Variants in MSN observed in about 807,000 individuals in gnomAD.
MSN encodes the protein epididymis luminal protein 70.
In MSN, 2 loss-of-function variants were observed where a neutral mutation model predicts 48.0. The observed-to-expected ratio is 0.04, with a 90% CI of 0.02 to 0.13. The LOEUF (loss-of-function observed/expected upper bound fraction) is 0.13. Among genes scored for constraint, MSN ranks in the 10% least tolerant of loss-of-function variants. MSN has a pLI of 1.00. For missense variants in MSN, 267 were observed against 470.1 expected (o/e 0.57, Z 3.99); for synonymous variants, 146 against 166.9 (o/e 0.87, Z 0.97).
At chrX:65,689,138 G>A (rs1248547838) in intron 1 of MSN, among the ~76,000 whole-genome samples, 1 of 111,677 alleles carries the variant, frequency 9.0e-6, no homozygotes, top group Non-Finnish European at 1.9e-5. Context: ...TCTTGACCAA[G>A]TCCTTGCTCG....
intron 1 of MSN, among the ~76,000 whole-genome samples, chrX:65,713,407 G>A (rs1009625589): frequency 4.5e-5 from 5 of 111,183 alleles, no homozygotes; most frequent in Admixed American, 2.9e-4. Context: ...CATAAATATA[G>A]GAAGCATTAG....
chrX:65,673,159 A>G (rs1001590962), intron 1 of MSN, among the ~76,000 whole-genome samples: 2 of 111,748 alleles, frequency 1.8e-5, no homozygotes, highest in African/African-American at 6.5e-5. Context: ...GTGAGAGTAT[A>G]TTATGAAGAC....
chrX:65,734,426 A>G lies in MSN; in HGVS notation c.796-841A>G, dbSNP rs781592481. 5.4e-5 allele frequency among the ~76,000 whole-genome samples: 6 copies of G among 111,694 alleles called. No homozygotes were observed. In the South Asian group the frequency reaches 2.2e-3, roughly 42 times the overall value. On this transcript the variant is annotated intron_variant, in intron 7 of 12. Transcript: ENST00000360270. Reference sequence around the variant, plus strand: ...TTTTATGGCTGACAAAACTGAGGTTAGAGAGATGGAGTGATTTGCCCAAGA... The same window carrying G: ...TTTTATGGCTGACAAAACTGAGGTTGGAGAGATGGAGTGATTTGCCCAAGA...
At chrX:65,717,432 A>C (rs2071476809) in intron 2 of MSN, among the ~76,000 whole-genome samples, 1 of 111,931 alleles carries the variant, frequency 8.9e-6, no homozygotes, top group Non-Finnish European at 1.9e-5. Context: ...GACTTAGGAC[A>C]ACATGGGAGT....
chrX:65,727,752 T>A, intron 2 of MSN, 62 bp from the exon 3 acceptor site: 1 of 980,560 alleles, frequency 1.0e-6, no homozygotes, highest in Non-Finnish European at 1.4e-6. Context: ...CTTTGTGTCC[T>A]CTGTGCCTCA....
intron 1 of MSN, among the ~76,000 whole-genome samples, chrX:65,669,885 A>G (rs1182865972): frequency 9.0e-6 from 1 of 111,229 alleles, no homozygotes; most frequent in Non-Finnish European, 1.9e-5. Context: ...CTACAGGGAA[A>G]GACCTACCTA....
intron 1 of MSN, among the ~76,000 whole-genome samples, chrX:65,670,927 T>TAC (rs2070932146): frequency 3.4e-5 from 2 of 59,192 alleles, no homozygotes; most frequent in Non-Finnish European, 6.5e-5. Flanking sequence ...TATATATATA[T>TAC]ATATATATAT....
In MSN at chrX:65,735,482, T is replaced by C. The variant is rs756630897; in HGVS notation, c.959+52T>C. The C allele has an allele frequency of 4.4e-6, 5 of 1,147,698 alleles. No homozygotes were observed. The East Asian group carries it at 1.3e-4, about 29-fold the overall frequency. The allele number at this position is 1,147,698 out of a possible 1,213,427, so 94.6% of individuals were successfully genotyped here. ...GCCAGGGCTGGGGCAAGGAAGCTTC[T>C]CAAAGGTGCCCTGCATGCTAAGTCA... is the stretch of plus-strand genomic sequence containing the variant. On this transcript the variant is annotated intron_variant, in intron 8 of 12. Transcript: ENST00000360270.
At chrX:65,645,046 G>C (rs1264624796) in intron 1 of MSN, among the ~76,000 whole-genome samples, 3 of 112,281 alleles carry the variant, frequency 2.7e-5, no homozygotes, top group African/African-American at 9.7e-5. Flanking sequence ...AAGTACTGGA[G>C]CTGATGCCAA....
At chrX:65,670,896 TTATATATATATATATATATATATA>T (rs57076717) in intron 1 of MSN, among the ~76,000 whole-genome samples, 210 of 14,057 alleles carry the variant, frequency 0.015, 5 homozygotes, top group South Asian at 0.048. Context: ...ATGATGACAG[TTATATATATATATATATATATATA>T]TATATATATA....
At position 65,637,405 on chromosome X, in the gene MSN, G is replaced by GA. The variant is rs1206835966; in HGVS notation, c.-22+48808dup. On this transcript the variant is annotated intron_variant, in intron 1 of 3. Coordinates refer to the MSN transcript ENST00000609672. ...CAACGAGAGCAAAACTCCATCTTAA[G>GA]AAAAAAAAAAAAAAAGAAAAGAAAG... Among the ~76,000 whole-genome samples the GA allele has an allele frequency of 5.3e-3, 239 of 45,184 alleles. 2 individuals are homozygous for GA. Among genetic ancestry groups the GA allele is most frequent in the East Asian group, 0.026 (38 of 1,488 alleles). 39.2% of individuals were successfully genotyped at this position (45,184 alleles called of 115,157 possible).
intron 1 of MSN, among the ~76,000 whole-genome samples, chrX:65,704,689 A>C (rs1401426076): frequency 9.1e-6 from 1 of 109,513 alleles, no homozygotes; most frequent in African/African-American, 3.3e-5. Context: ...GATCAATAAT[A>C]GTATGCTTGA....
chrX:65,669,622 G>C (rs2148383511), intron 1 of MSN, among the ~76,000 whole-genome samples: 1 of 111,190 alleles, frequency 9.0e-6, no homozygotes, highest in East Asian at 2.8e-4. Flanking sequence ...AAATACTGAA[G>C]GCATTTTTAT....
chrX:65,681,553 G>A (rs1241522301), intron 1 of MSN, among the ~76,000 whole-genome samples: 1 of 112,402 alleles, frequency 8.9e-6, no homozygotes, highest in Non-Finnish European at 1.9e-5. Flanking sequence ...AGGTGTATTA[G>A]CACCTATGGG....
intron 1 of MSN, among the ~76,000 whole-genome samples, chrX:65,694,007 C>T (rs528092188): frequency 3.7e-5 from 4 of 109,515 alleles, no homozygotes; most frequent in African/African-American, 1.3e-4. Flanking sequence ...GAGCCAAGAT[C>T]GCACCACTGC....
At chrX:65,644,990 C>A (rs2070684435) in intron 1 of MSN, among the ~76,000 whole-genome samples, 2 of 112,509 alleles carry the variant, frequency 1.8e-5, no homozygotes, top group African/African-American at 3.2e-5. Flanking sequence ...GAGTTACCCC[C>A]AATCTCAGAA....
chrX:65,605,372 T>A (rs181175688), intron 1 of MSN, among the ~76,000 whole-genome samples: 1 of 111,738 alleles, frequency 8.9e-6, no homozygotes, highest in East Asian at 2.8e-4. Flanking sequence ...TCAGAATATA[T>A]CCCTAACACA....
intron 1 of MSN, among the ~76,000 whole-genome samples, chrX:65,706,954 G>C (rs1404917113): frequency 1.8e-5 from 2 of 111,688 alleles, no homozygotes; most frequent in Non-Finnish European, 3.8e-5. Flanking sequence ...TTTTCTCTCT[G>C]ACTCTTCCAA....
At chrX:65,619,728 C>T (rs1279831677) in intron 1 of MSN, among the ~76,000 whole-genome samples, 4 of 109,249 alleles carry the variant, frequency 3.7e-5, no homozygotes. Context: ...ATTCTCCATC[C>T]AGCTTTGTTC....
Sources: gnomAD v4.1 joint callset for allele counts (sites outside exome capture counted in the v4.1 genomes callset) on GRCh38, gnomAD v4.1.1 for gene constraint, MANE v1.5 for transcripts, NCBI Gene and HGNC (gene_info 2026-07-23, HGNC 2026-07-21) for gene names.